Variants in PTPRO observed in about 807,000 individuals in gnomAD.
PTPRO encodes the protein receptor-type tyrosine-protein phosphatase O.
In PTPRO, 62 loss-of-function variants were observed where a neutral mutation model predicts 145.2. The observed-to-expected ratio is 0.43, with a 90% confidence interval of 0.35 to 0.53. PTPRO has a LOEUF of 0.53. Among genes scored for constraint, PTPRO ranks in the 20% least tolerant of loss-of-function variants. PTPRO has a pLI of 0.01. For missense variants in PTPRO, 1,345 were observed against 1,482.7 expected, an observed-to-expected ratio of 0.91 and a Z score of 1.53; for synonymous variants, 565 against 514.7, an observed-to-expected ratio of 1.10 and a Z score of -1.32.
Position 15,546,725 on chromosome 12 carries a change from T to C in PTPRO, c.2304+17T>C, listed in dbSNP as rs753913287. On this transcript the variant is annotated intron_variant, in intron 13 of 26. Coordinates refer to ENST00000281171, the MANE Select transcript of PTPRO (RefSeq NM_030667.3). ...AAACTTCAGGTACTGTACCTTTTGATCTACCTTTTCTCAGTTAACTTAAGT... is the reference window on the plus strand; with the variant it reads ...AAACTTCAGGTACTGTACCTTTTGACCTACCTTTTCTCAGTTAACTTAAGT... 3.7e-6 allele frequency: 6 copies of C among 1,613,784 alleles called. No homozygotes were observed. In the South Asian group the frequency reaches 6.6e-5, roughly 18 times the overall value.
intron 1 of PTPRO, among the ~76,000 whole-genome samples, chr12:15,418,524 CACAAGAACTAGAAAAG>C (rs1413069512): frequency 6.6e-6 from 1 of 151,594 alleles, no homozygotes; most frequent in Admixed American, 6.6e-5. Context: ...AGAACAATCA[CACAAGAACTAGAAAAG>C]ACAAGGAAGG....
intron 1 of PTPRO, among the ~76,000 whole-genome samples, chr12:15,362,516 G>C (rs1438094181): frequency 6.6e-6 from 1 of 152,052 alleles, no homozygotes; most frequent in South Asian, 2.1e-4. Flanking sequence ...GAATATGTCA[G>C]GTCTTTATAG....
chr12:15,561,854 A>G (rs545262002), intron 17 of PTPRO, among the ~76,000 whole-genome samples: 2 of 152,272 alleles, frequency 1.3e-5, no homozygotes, highest in South Asian at 2.1e-4. Context: ...CTCATTTTCC[A>G]CAGTGCGTTT....
intron 1 of PTPRO, among the ~76,000 whole-genome samples, chr12:15,400,831 C>G (rs1939472943): frequency 6.6e-6 from 1 of 152,162 alleles, no homozygotes; most frequent in African/African-American, 2.4e-5. Context: ...AGTATCCTCA[C>G]TAAAATATAA....
chr12:15,407,464 C>A (rs1024316977), intron 1 of PTPRO, among the ~76,000 whole-genome samples: 1 of 152,088 alleles, frequency 6.6e-6, no homozygotes, highest in African/African-American at 2.4e-5. Flanking sequence ...AGTCTTGGGG[C>A]AATTCTGGGT....
At chr12:15,566,761 T>A (rs1239085516) in intron 18 of PTPRO, among the ~76,000 whole-genome samples, 1 of 152,140 alleles carries the variant, frequency 6.6e-6, no homozygotes, top group African/African-American at 2.4e-5. Flanking sequence ...CCTCATGTGA[T>A]CCACCCTCCT....
chr12:15,558,852 G>A (rs57167860), intron 16 of PTPRO, among the ~76,000 whole-genome samples: 8,490 of 152,066 alleles, frequency 0.056, 766 homozygotes, highest in African/African-American at 0.19. Flanking sequence ...TTTTAATAAG[G>A]CAATATGTTG....
At chr12:15,362,021 C>T (rs1181279109) in intron 1 of PTPRO, among the ~76,000 whole-genome samples, 1 of 152,094 alleles carries the variant, frequency 6.6e-6, no homozygotes, top group East Asian at 1.9e-4. Flanking sequence ...ATAGATCGGA[C>T]CTACAATAAA....
intron 1 of PTPRO, among the ~76,000 whole-genome samples, chr12:15,427,815 T>G (rs780586860): frequency 3.1e-4 from 36 of 116,890 alleles, no homozygotes; most frequent in Non-Finnish European, 6.1e-4. Context: ...GTTCTTGCTT[T>G]ATGACTTTTG....
chr12:15,401,802 T>C (rs1939501823), intron 1 of PTPRO, among the ~76,000 whole-genome samples: 1 of 152,248 alleles, frequency 6.6e-6, no homozygotes, highest in African/African-American at 2.4e-5. Flanking sequence ...TTGCTGACTA[T>C]AATTTTGTAT....
At chr12:15,385,547 G>A (rs1248946513) in intron 1 of PTPRO, among the ~76,000 whole-genome samples, 1 of 152,180 alleles carries the variant, frequency 6.6e-6, no homozygotes, top group Non-Finnish European at 1.5e-5. Flanking sequence ...GGGCATGTTG[G>A]CTCACACCTG....
At chr12:15,369,127 A>C (rs1213150734) in intron 1 of PTPRO, among the ~76,000 whole-genome samples, 1 of 152,054 alleles carries the variant, frequency 6.6e-6, no homozygotes, top group Non-Finnish European at 1.5e-5. Context: ...TTTTAATTGG[A>C]CCTTCAGTCG....
intron 1 of PTPRO, among the ~76,000 whole-genome samples, chr12:15,458,476 T>C (rs1005844164): frequency 6.6e-6 from 1 of 152,010 alleles, no homozygotes. Context: ...AATGCATATA[T>C]AGGCCACTTG....
At chr12:15,334,246 G>A (rs1020572051) in intron 1 of PTPRO, among the ~76,000 whole-genome samples, 5 of 151,884 alleles carry the variant, frequency 3.3e-5, no homozygotes, top group Admixed American at 2.6e-4. Flanking sequence ...GATACCTCAC[G>A]GAAATTTTAA....
At chr12:15,526,080 T>C in intron 11 of PTPRO, 62 bp from the exon 12 acceptor site, 2 of 1,605,956 alleles carry the variant, frequency 1.2e-6, no homozygotes, top group East Asian at 4.5e-5. Context: ...CTTTAGTTGT[T>C]TGGGGTGGTG....
intron 1 of PTPRO, among the ~76,000 whole-genome samples, chr12:15,368,464 A>C (rs943733512): frequency 5.3e-5 from 8 of 152,134 alleles, no homozygotes; most frequent in Admixed American, 6.5e-5. Context: ...TGATTGATTG[A>C]TTGATTTTTA....
chr12:15,408,745 T>C (rs930960295), intron 1 of PTPRO, among the ~76,000 whole-genome samples: 2 of 152,188 alleles, frequency 1.3e-5, no homozygotes, highest in South Asian at 2.1e-4. Flanking sequence ...AAAGTTTCTG[T>C]GTCAATGTTT....
chr12:15,465,909 T>G (rs1316748448), intron 1 of PTPRO, among the ~76,000 whole-genome samples: 1 of 152,174 alleles, frequency 6.6e-6, no homozygotes, highest in African/African-American at 2.4e-5. Context: ...CCATGGTTTT[T>G]TTTCCCCCAA....
chr12:15,507,479 C>T (rs898027091), intron 6 of PTPRO, among the ~76,000 whole-genome samples: 6 of 150,676 alleles, frequency 4.0e-5, no homozygotes, highest in Non-Finnish European at 5.9e-5. Flanking sequence ...CACATAAAAA[C>T]TTAAAGAAGG....
Sources: gnomAD v4.1 joint callset for allele counts (sites outside exome capture counted in the v4.1 genomes callset) on GRCh38, gnomAD v4.1.1 for gene constraint, MANE v1.5 for transcripts, NCBI Gene and HGNC (gene_info 2026-07-23, HGNC 2026-07-21) for gene names.